Variants in LMNA observed in about 807,000 individuals in gnomAD.
LMNA encodes lamin.
Under a neutral mutation model 70.4 loss-of-function variants are expected in LMNA, and 20 were observed. The ratio of observed to expected loss-of-function variants is 0.28; its 90% CI spans 0.20 to 0.41. The LOEUF (loss-of-function observed/expected upper bound fraction) is 0.41. LMNA is among the 10% of genes least tolerant of loss of function. The probability of loss-of-function intolerance (pLI) is 1.00; values close to 1 mark genes in which losing one functional copy is unlikely to be tolerated. For missense variants in LMNA, 652 were observed against 917.2 expected (o/e 0.71, Z 3.73); for synonymous variants, 339 against 372.8 (o/e 0.91, Z 1.04).
chr1:156,136,373 C>A lies in LMNA; in HGVS notation c.1317C>A (p.Arg439=), dbSNP rs374804871. Reference sequence around the variant, plus strand: ...CACAGCACGCACGCACTAGCGGGCGCGTGGCCGTGGAGGAGGTGGATGAGG... The same window carrying A: ...CACAGCACGCACGCACTAGCGGGCGAGTGGCCGTGGAGGAGGTGGATGAGG... ...SFSQHARTSG[R]VAVEEVDEEG... is the part of the protein sequence containing the mutation. Residue 439 remains arginine, a synonymous_variant, in exon 7 of 12, where the codon CGC becomes CGA. Transcript: ENST00000368300. The surrounding 1 kb of genome is among the most constrained non-coding windows in gnomAD (Gnocchi z 6.1). The A allele has an allele frequency of 6.8e-6, 11 of 1,611,730 alleles. No homozygotes were observed. The African/African-American group carries it at 1.2e-4, about 18-fold the overall frequency.
upstream of LMNA, chr1:156,114,589 C>A: frequency 4.1e-6 from 1 of 243,470 alleles, no homozygotes; most frequent in Non-Finnish European, 7.9e-6. Flanking sequence ...AACGGTCCTT[C>A]CCCCTCCTCA....
Position 156,139,952 on chromosome 1 carries a change from TG to T in LMNA, c.*848del. 1 of 1,012,418 alleles carries T rather than the reference TG, an allele frequency of 9.9e-7. No homozygotes were observed. Among genetic ancestry groups the T allele is most frequent in the Non-Finnish European group, 1.4e-6 (1 of 726,868 alleles). The allele number at this position is 1,012,418 out of a possible 1,614,324, so 62.7% of individuals were successfully genotyped here. A position where few individuals can be genotyped will look rare whatever the true frequency, so the allele number is the denominator to read the frequency against. The stretch of plus-strand genomic sequence containing the variant: ...GGGGAGAGCCTGCTGGCACCCACCG[TG>T]GAGGAGGAAGGCAAGAGGGGGTGGA... On this transcript the variant is annotated 3_prime_UTR_variant, in exon 12 of 12. Coordinates refer to ENST00000368300, the MANE Select transcript of LMNA (RefSeq NM_170707.4).
At chr1:156,104,341 T>TGTC (rs919378567) in intron 3 of LMNA, among the ~76,000 whole-genome samples, 1 of 152,168 alleles carries the variant, frequency 6.6e-6, no homozygotes, top group African/African-American at 2.4e-5. Context: ...TAGCAACTGT[T>TGTC]GTCGTCTGGT....
chr1:156,101,120 C>T (rs1389510015), intron 3 of LMNA, among the ~76,000 whole-genome samples: 1 of 152,122 alleles, frequency 6.6e-6, no homozygotes, highest in Non-Finnish European at 1.5e-5. Context: ...GGAATTTGGA[C>T]TTATCCTAAA....
rs1324696252 is a variant in LMNA, at chr1:156,137,080, G to GTGGGGGGA, written c.1489-33_1489-32insTGGGGGGA. 6.2e-7 allele frequency: 1 copy of GTGGGGGGA among 1,614,040 alleles called. No individual in the cohort carries two copies. Among genetic ancestry groups the GTGGGGGGA allele is most frequent in the East Asian group, 2.2e-5 (1 of 44,906 alleles). On this transcript the variant is annotated intron_variant, in intron 8 of 11. Transcript: ENST00000368300. The surrounding 1 kb of genome is among the most constrained non-coding windows in gnomAD (Gnocchi z 4.6). Reference sequence around the variant, plus strand: ...GGGGAGGCCTTGGGTGGCGATGGGAGCGCTGGGGTAAGTGTCCTTTTCTCC... The same window carrying GTGGGGGGA: ...GGGGAGGCCTTGGGTGGCGATGGGAGTGGGGGGACGCTGGGGTAAGTGTCCTTTTCTCC...
In LMNA at chr1:156,134,918, G is replaced by A; in HGVS notation, c.753G>A (p.Gln251=). The A allele has an allele frequency of 6.2e-7, 1 of 1,614,240 alleles. No homozygotes were observed. ...ATGCGCTGCAGGAACTGCGGGCCCA[G>A]CATGAGGACCAGGTGGAGCAGTATA... ...LADALQELRA[Q]HEDQVEQYKK... is the part of the protein sequence containing the mutation. Residue 251 remains glutamine, a synonymous_variant, in exon 4 of 12, where the codon CAG becomes CAA. Transcript: ENST00000368300. The surrounding 1 kb of genome is among the most constrained non-coding windows in gnomAD (Gnocchi z 5.3).
intron 1 of LMNA, among the ~76,000 whole-genome samples, chr1:156,117,743 A>G (rs539139910): frequency 1.1e-4 from 16 of 152,052 alleles, no homozygotes; most frequent in African/African-American, 3.9e-4. Context: ...TGTTGCCCAC[A>G]GTCTTGAACT....
chr1:156,131,998 C>T (rs773980222), intron 2 of LMNA, among the ~76,000 whole-genome samples: 1 of 152,074 alleles, frequency 6.6e-6, no homozygotes. Context: ...GGTTAAACTC[C>T]GTCTCTACTA....
chr1:156,126,963 G>C, intron 1 of LMNA: 1 of 1,508,450 alleles, frequency 6.6e-7, no homozygotes, highest in Middle Eastern at 1.9e-4. Flanking sequence ...TTGTGTGCCT[G>C]AGCATGAGTC....
intron 3 of LMNA, among the ~76,000 whole-genome samples, chr1:156,099,000 C>T (rs1349650359): frequency 1.3e-5 from 2 of 152,126 alleles, no homozygotes; most frequent in African/African-American, 4.8e-5. Context: ...GCTTAATTGC[C>T]TCCTCATGAT....
chr1:156,102,930 C>T (rs1481635389), intron 3 of LMNA, among the ~76,000 whole-genome samples: 6 of 152,344 alleles, frequency 3.9e-5, no homozygotes, highest in South Asian at 2.1e-4. Flanking sequence ...GCCCACCCTT[C>T]GGGTCTGCCT....
At chr1:156,088,749 A>G (rs2102787433) in intron 2 of LMNA, among the ~76,000 whole-genome samples, 1 of 152,310 alleles carries the variant, frequency 6.6e-6, no homozygotes, top group Non-Finnish European at 1.5e-5. Flanking sequence ...TCCTGGATTC[A>G]AGCAATTCTC....
chr1:156,098,551 T>G (rs1243687434), intron 3 of LMNA, among the ~76,000 whole-genome samples: 1 of 152,204 alleles, frequency 6.6e-6, no homozygotes, highest in Non-Finnish European at 1.5e-5. Flanking sequence ...GGGAAAGACT[T>G]CTCACATATG....
At chr1:156,132,345 C>G (rs1417078643) in intron 2 of LMNA, among the ~76,000 whole-genome samples, 1 of 151,770 alleles carries the variant, frequency 6.6e-6, no homozygotes, top group African/African-American at 2.4e-5. Context: ...TGGCAGCCAC[C>G]TGTAATCCCA....
intron 2 of LMNA, among the ~76,000 whole-genome samples, chr1:156,088,672 C>T (rs534534357): frequency 9.2e-5 from 14 of 152,262 alleles, no homozygotes; most frequent in Admixed American, 2.0e-4. Flanking sequence ...TTTTTTGAGA[C>T]GGAGTCTCGC....
At chr1:156,125,403 AG>A (rs111616133) in intron 1 of LMNA, among the ~76,000 whole-genome samples, 15,806 of 152,078 alleles carry the variant, frequency 0.1, 1,499 homozygotes, top group African/African-American at 0.25. Context: ...GGTGTCCAGG[AG>A]GGGCTGGGTG....
At position 156,138,529 on chromosome 1, in the gene LMNA, C is replaced by A. The variant is rs1651857950; in HGVS notation, c.1740C>A (p.Asn580Lys). 6.2e-7 allele frequency: 1 copy of A among 1,612,546 alleles called. No individual in the cohort carries two copies. Among genetic ancestry groups the A allele is most frequent in the African/African-American group, 1.3e-5 (1 of 74,940 alleles). ...GCTCGGGGGACCCCGCTGAGTACAACCTGCGCTCGCGCACCGTGCTGTGCG... is the reference window on the plus strand; with the variant it reads ...GCTCGGGGGACCCCGCTGAGTACAAACTGCGCTCGCGCACCGTGCTGTGCG... ...CSSSGDPAEYNLRSRTVLCGT... is the reference protein window; with the variant it reads ...CSSSGDPAEYKLRSRTVLCGT... Residue 580 changes from asparagine (N) to lysine (K), a missense_variant, in exon 11 of 12, where the codon AAC becomes AAA. Asn to Lys is a moderately conservative substitution (Grantham distance 94). Around this residue, in one of 4 missense-constraint regions of LMNA, gnomAD observed 327 missense variants for 387.6 expected, o/e 0.84. Coordinates refer to ENST00000368300, the MANE Select transcript of LMNA (RefSeq NM_170707.4). The surrounding 1 kb of genome is among the most constrained non-coding windows in gnomAD (Gnocchi z 5.5).
chr1:156,129,907 G>A (rs746607191), intron 1 of LMNA: 1 of 765,516 alleles, frequency 1.3e-6, no homozygotes, highest in South Asian at 1.4e-5. Flanking sequence ...TATGGTAGAT[G>A]GGTAGGGCTC....
rs564696623 is a variant in LMNA, at chr1:156,125,691, A to AAAT, written c.357-4915_357-4913dup. 2.5e-3 allele frequency among the ~76,000 whole-genome samples: 383 copies of AAAT among 151,434 alleles called. 1 individual carries two copies. The highest frequency in any genetic ancestry group is 8.9e-3 in the African/African-American group (365 of 41,240). On this transcript the variant is annotated intron_variant, in intron 1 of 11. Transcript: ENST00000368300. Reference sequence around the variant, plus strand: ...GCAACACAGTGAGACTCTGTCTCAAAAATAATAATAATAGGGGCTGGGCGC... The same window carrying AAAT: ...GCAACACAGTGAGACTCTGTCTCAAAAATAATAATAATAATAGGGGCTGGGCGC...
Sources: allele counts gnomAD v4.1 joint callset (sites outside exome capture counted in the v4.1 genomes callset), GRCh38; gene constraint gnomAD v4.1.1; regional missense constraint gnomAD v4.1.1; non-coding constraint Gnocchi (gnomAD v3.1); transcripts MANE v1.5; gene names NCBI Gene and HGNC (gene_info 2026-07-23, HGNC 2026-07-21).